NOTCH4: variants seen among roughly 807,000 people sequenced by gnomAD.
NOTCH4 encodes neurogenic locus notch homolog protein 4.
NOTCH4 carries 138 observed loss-of-function variants against 189.0 expected under a neutral mutation model. The ratio of observed to expected loss-of-function variants is 0.73; its 90% CI spans 0.64 to 0.84. NOTCH4 has a LOEUF of 0.84. Ranked by LOEUF, NOTCH4 falls within the 40% of genes least tolerant of loss-of-function variation. NOTCH4 has a pLI of 0.00. For synonymous variants in NOTCH4, 942 were observed against 1,032.8 expected (o/e 0.91, Z 1.69); for missense variants, 2,286 against 2,605.4 (o/e 0.88, Z 2.67).
At position 32,202,581 on chromosome 6, in the gene NOTCH4, A is replaced by G. The variant is rs1351951214; in HGVS notation, c.3250T>C (p.Cys1084Arg). ...HCPKGFEGPT[C>R]SHRAPSCGFH... ...CCGCAGGAAGGGGCCCTGTGGCTGCAGGTGGGGCCTTCAAAACCCTGTGGA... is the reference window on the plus strand; with the variant it reads ...CCGCAGGAAGGGGCCCTGTGGCTGCGGGTGGGGCCTTCAAAACCCTGTGGA... The change falls in exon 21 of 30, where the codon TGC becomes CGC. Residue 1084 changes from cysteine to arginine, a missense_variant. By Grantham distance (180) the Cys-to-Arg change is radical. Around this residue, in one of 2 missense-constraint regions of NOTCH4, gnomAD observed 1,903 missense variants for 2,261.9 expected, o/e 0.84. Coordinates refer to ENST00000375023, the MANE Select transcript of NOTCH4 (RefSeq NM_004557.4). This position sits in a 1 kb window ranked among gnomAD's most constrained non-coding sequence, Gnocchi z 5.7. 6.3e-7 allele frequency: 1 copy of G among 1,592,590 alleles called. No individual in the cohort carries two copies.
chr6:32,214,280 GT>G, intron 12 of NOTCH4, 25 bp from the exon 13 acceptor site: 1 of 1,609,494 alleles, frequency 6.2e-7, no homozygotes, highest in Non-Finnish European at 8.5e-7. Context: ...AAAGGGGAGG[GT>G]TTTTCTCTTC....
rs1467621043 is a variant in NOTCH4, at chr6:32,195,864, C to G, written c.5585G>C (p.Arg1862Pro). ...PHGGGALPRCRTLSAGAGPRG... is the reference protein window; with the variant it reads ...PHGGGALPRCPTLSAGAGPRG... Reference sequence around the variant, plus strand: ...AGGGCCTGCTCCGGCTGACAGCGTCCGGCAGCGCGGCAGAGCCCCGCCCCC... The same window carrying G: ...AGGGCCTGCTCCGGCTGACAGCGTCGGGCAGCGCGGCAGAGCCCCGCCCCC... The change falls in exon 30 of 30, where the codon CGG becomes CCG. Residue 1862 changes from arginine (R) to proline (P), a missense_variant. Transcript: ENST00000375023. The surrounding 1 kb of genome is among the most constrained non-coding windows in gnomAD (Gnocchi z 5.4). The G allele has an allele frequency of 2.5e-6, 4 of 1,594,268 alleles. No homozygotes were observed. Among genetic ancestry groups the G allele is most frequent in the Non-Finnish European group, 3.4e-6 (4 of 1,177,324 alleles).
rs142054879 is a variant in NOTCH4, at chr6:32,221,207, G to A, written c.570C>T (p.Ala190=). The change falls in exon 4 of 30, where the codon GCC becomes GCT. Residue 190 remains alanine, a synonymous_variant. Transcript: ENST00000375023. The surrounding 1 kb of genome is among the most constrained non-coding windows in gnomAD (Gnocchi z 4.3). ...AGCACTCGTTGACATCACGTTCACA[G>A]GCATGGCCCTCGAAGCCCGGTGGGC... ...CHCPPGFEGH[A]CERDVNECFQ... is the part of the protein sequence containing the mutation. 1,190 of 1,613,118 alleles carry A rather than the reference G, an allele frequency of 7.4e-4. 9 individuals are homozygous for A. The African/African-American group carries it at 0.013, about 18-fold the overall frequency.
chr6:32,223,107 G>T (rs377716388), intron 1 of NOTCH4, 21 bp from the exon 2 acceptor site: 2 of 1,593,908 alleles, frequency 1.3e-6, no homozygotes, highest in South Asian at 1.1e-5. Context: ...AGAGGCAGGC[G>T]CAATGGAAGC....
In NOTCH4 at chr6:32,201,004, A is replaced by G. The variant is rs745569426; in HGVS notation, c.4142T>C (p.Phe1381Ser). 1.0e-5 allele frequency: 16 copies of G among 1,563,496 alleles called. No individual in the cohort carries two copies. The highest frequency in any genetic ancestry group is 1.1e-5 in the Non-Finnish European group (13 of 1,154,918). ...CAAATCCACACCCATGACCACCACA[A>G]ACCTGTAGAGGAGGCACCTCAGAGA... ...GKETDSLSAG[F>S]VVVMGVDLSR... Residue 1381 changes from phenylalanine to serine, a missense_variant and splice_region_variant, in exon 23 of 30, where the codon TTT becomes TCT. Around this residue, in one of 2 missense-constraint regions of NOTCH4, gnomAD observed 1,903 missense variants for 2,261.9 expected, o/e 0.84. Transcript: ENST00000375023. The surrounding 1 kb of genome is among the most constrained non-coding windows in gnomAD (Gnocchi z 5.5).
intron 12 of NOTCH4, among the ~76,000 whole-genome samples, chr6:32,214,509 AC>A (rs1304360157): frequency 6.6e-6 from 1 of 150,686 alleles, no homozygotes; most frequent in Non-Finnish European, 1.5e-5. Flanking sequence ...TCTTTCTGTA[AC>A]TTACTTATTT....
chr6:32,206,966 C>G (rs56125791), intron 18 of NOTCH4, among the ~76,000 whole-genome samples: 4,265 of 148,722 alleles, frequency 0.029, 102 homozygotes, highest in Non-Finnish European at 0.041. Context: ...GAGTCTTGCT[C>G]TGTTGCCAGG....
chr6:32,214,327 C>T, intron 12 of NOTCH4, 72 bp from the exon 13 acceptor site: 1 of 1,537,070 alleles, frequency 6.5e-7, no homozygotes. Flanking sequence ...GCTGCCTGGA[C>T]CCCTATGACT....
chr6:32,212,401 C>T lies in NOTCH4; in HGVS notation c.2680+73G>A. The T allele has an allele frequency of 6.9e-7, 1 of 1,443,738 alleles. No individual in the cohort carries two copies. The highest frequency in any genetic ancestry group is 1.4e-5 in the South Asian group (1 of 73,548). 89.4% of individuals were successfully genotyped at this position (1,443,738 alleles called of 1,614,324 possible). A position where few individuals can be genotyped will look rare whatever the true frequency, so the allele number is the denominator to read the frequency against. ...TTTTGGCCAAAAGCTGTGTGGAAGC[C>T]CACAGGAACGGGGCAGGTGAGAACA... On this transcript the variant is annotated intron_variant, in intron 17 of 29. Coordinates refer to ENST00000375023, the MANE Select transcript of NOTCH4 (RefSeq NM_004557.4). The surrounding 1 kb of genome is among the most constrained non-coding windows in gnomAD (Gnocchi z 4.4).
At chr6:32,215,424 C>T in intron 11 of NOTCH4, 39 bp from the exon 12 acceptor site, 1 of 1,555,788 alleles carries the variant, frequency 6.4e-7, no homozygotes, top group Non-Finnish European at 8.7e-7. Context: ...AACAGCTCCT[C>T]CACATCCTTC....
In NOTCH4 at chr6:32,195,939, G is replaced by A. The variant is rs780563715; in HGVS notation, c.5510C>T (p.Ala1837Val). The A allele has an allele frequency of 1.9e-6, 3 of 1,590,632 alleles. No individual in the cohort carries two copies. The highest frequency in any genetic ancestry group is 2.6e-6 in the Non-Finnish European group (3 of 1,175,770). ...ARHKATPGRE[A>V]GPFPRARTVS... ...CGTCCGTGCGCGCGGGAAGGGCCCAGCCTCGCGGCCCGGCGTGGCTTTGTG... is the reference window on the plus strand; with the variant it reads ...CGTCCGTGCGCGCGGGAAGGGCCCAACCTCGCGGCCCGGCGTGGCTTTGTG... Residue 1837 changes from alanine to valine, a missense_variant, in exon 30 of 30, where the codon GCT becomes GTT. Ala to Val is a moderately conservative substitution (Grantham distance 64). This residue lies in a region of NOTCH4 where 383 missense variants were observed against 343.5 expected (regional missense o/e 1.11). Transcript: ENST00000375023. This position sits in a 1 kb window ranked among gnomAD's most constrained non-coding sequence, Gnocchi z 5.4.
chr6:32,214,262 G>A lies in NOTCH4; in HGVS notation c.2022-7C>T. On this transcript the variant is annotated splice_region_variant and splice_polypyrimidine_tract_variant and intron_variant, in intron 12 of 29. Coordinates refer to ENST00000375023, the MANE Select transcript of NOTCH4 (RefSeq NM_004557.4). ...GTCACACACACATGAGGATCTGGTT[G>A]TAAAGAGAAAGGGGAGGGTTTTTCT... is the stretch of plus-strand genomic sequence containing the variant. 6.2e-7 allele frequency: 1 copy of A among 1,612,238 alleles called. No individual in the cohort carries two copies. The highest frequency in any genetic ancestry group is 8.5e-7 in the Non-Finnish European group (1 of 1,179,312).
chr6:32,204,527 C>A, intron 18 of NOTCH4, 138 bp from the exon 19 acceptor site: 1 of 929,872 alleles, frequency 1.1e-6, no homozygotes, highest in African/African-American at 1.7e-5. Flanking sequence ...CCATCATGGC[C>A]ATGTGTCACA....
Position 32,210,104 on chromosome 6 carries a change from T to C in NOTCH4, c.2865+648A>G, listed in dbSNP as rs2127474878. On this transcript the variant is annotated intron_variant, in intron 18 of 29. Coordinates refer to ENST00000375023, the MANE Select transcript of NOTCH4 (RefSeq NM_004557.4). The surrounding 1 kb of genome is among the most constrained non-coding windows in gnomAD (Gnocchi z 4.8). ...ACAAAGAAGAGGCCCTAATCCAGCC[T>C]GGGGAGAAGTTAGGGACATCTTCCT... is the stretch of plus-strand genomic sequence containing the variant. Among the ~76,000 whole-genome samples the C allele has an allele frequency of 6.6e-6, 1 of 152,192 alleles. No individual in the cohort carries two copies. The highest frequency in any genetic ancestry group is 6.5e-5 in the Admixed American group (1 of 15,274).
chr6:32,202,456 GCAGT>G lies in NOTCH4; in HGVS notation c.3371_3374del (p.Asp1124AlafsTer2), dbSNP rs1161414216. On this transcript the variant is annotated frameshift_variant, in exon 21 of 30. Coordinates refer to ENST00000375023, the MANE Select transcript of NOTCH4 (RefSeq NM_004557.4). LOFTEE classifies it high-confidence loss of function. This position sits in a 1 kb window ranked among gnomAD's most constrained non-coding sequence, Gnocchi z 5.7. ...AGCCTTTAGGAGCTGGTGGGGTCAG[GCAGT>G]CAGGACCCCCATAGCCACTGAGGCA... The G allele has an allele frequency of 6.2e-7, 1 of 1,612,270 alleles. No individual in the cohort carries two copies. Among genetic ancestry groups the G allele is most frequent in the Non-Finnish European group, 8.5e-7 (1 of 1,179,760 alleles).
intron 8 of NOTCH4, among the ~76,000 whole-genome samples, chr6:32,219,317 A>G (rs1478332935): frequency 2.0e-5 from 3 of 151,988 alleles, no homozygotes; most frequent in Non-Finnish European, 4.4e-5. Context: ...GCTGCTGTGT[A>G]CAGTGGACCA....
chr6:32,207,890 G>A (rs944599256), intron 18 of NOTCH4, among the ~76,000 whole-genome samples: 1 of 151,390 alleles, frequency 6.6e-6, no homozygotes. Context: ...GTAAATTCCA[G>A]CTATTTGGGA....
In NOTCH4 at chr6:32,218,096, T is replaced by C. The variant is rs1484008655; in HGVS notation, c.1523A>G (p.Gln508Arg). Residue 508 changes from glutamine (Q) to arginine (R), a missense_variant, in exon 9 of 30, where the codon CAG (glutamine) becomes CGG (arginine). This residue lies in a region of NOTCH4 where 1,903 missense variants were observed against 2,261.9 expected (regional missense o/e 0.84). Transcript: ENST00000375023. The part of the protein sequence containing the change: ...HCLCPPGLEG[Q>R]LCEVETNECA... ...CTCGTTGGTCTCCACCTCACAGAGCTGCCCTTCTAAGCCTGGGGACATGGG... is the reference window on the plus strand; with the variant it reads ...CTCGTTGGTCTCCACCTCACAGAGCCGCCCTTCTAAGCCTGGGGACATGGG... The C allele has an allele frequency of 1.2e-6, 2 of 1,611,296 alleles. No homozygotes were observed. Among genetic ancestry groups the C allele is most frequent in the Non-Finnish European group, 1.7e-6 (2 of 1,178,214 alleles).
chr6:32,202,867 C>T lies in NOTCH4; in HGVS notation c.3232-268G>A, dbSNP rs2127468062. The T allele has an allele frequency of 2.5e-6, 1 of 399,820 alleles. No individual in the cohort carries two copies. Among genetic ancestry groups the T allele is most frequent in the East Asian group, 3.6e-5 (1 of 27,620 alleles). The allele number at this position is 399,820 out of a possible 1,614,324, so 24.8% of individuals were successfully genotyped here. A position where few individuals can be genotyped will look rare whatever the true frequency, so the allele number is the denominator to read the frequency against. On this transcript the variant is annotated intron_variant, in intron 20 of 29. Transcript: ENST00000375023. This position sits in a 1 kb window ranked among gnomAD's most constrained non-coding sequence, Gnocchi z 5.7. ...TGGACTGTGGCATTACAGTGCAAGT[C>T]CTAGAAGACTAAACAGTTAATAGAA...
Sources: gnomAD v4.1 joint callset for allele counts (sites outside exome capture counted in the v4.1 genomes callset) on GRCh38, gnomAD v4.1.1 for gene constraint, gnomAD v4.1.1 regional missense constraint, Gnocchi (gnomAD v3.1) non-coding constraint, MANE v1.5 for transcripts, NCBI Gene and HGNC (gene_info 2026-07-23, HGNC 2026-07-21) for gene names.